TFG: variants seen among roughly 807,000 people sequenced by gnomAD.
TFG encodes trafficking from ER to golgi regulator.
In TFG, 22 loss-of-function variants were observed where a neutral mutation model predicts 51.4. The ratio of observed to expected loss-of-function variants is 0.43; its 90% CI spans 0.31 to 0.61. The LOEUF is 0.61. Among genes scored for constraint, TFG ranks in the 20% least tolerant of loss-of-function variants. The pLI, the probability that TFG is intolerant of heterozygous loss-of-function variation, is 0.12. For synonymous variants in TFG, 187 were observed against 165.6 expected (o/e 1.13, Z -0.99); for missense variants, 419 against 487.7 (o/e 0.86, Z 1.33).
chr3:100,720,040 C>T lies in TFG; in HGVS notation c.250C>T (p.Leu84=). ...LSFAIQCSRI[L]KLTLFVNGQP... ...CTTTGCAATTCAGTGCAGTAGGATA[C>T]TGAAACTGACATTATTTGGTGAGTA... Residue 84 remains leucine (L), a synonymous_variant, in exon 3 of 8, where the codon CTG becomes TTG. Coordinates refer to ENST00000240851, the MANE Select transcript of TFG (RefSeq NM_006070.6). 2.6e-6 allele frequency: 4 copies of T among 1,560,926 alleles called. No individual in the cohort carries two copies. Among genetic ancestry groups the T allele is most frequent in the Non-Finnish European group, 3.5e-6 (4 of 1,153,870 alleles).
At chr3:100,728,891 T>G (rs763697897) in intron 4 of TFG, 33 bp downstream of exon 4, 4 of 1,531,204 alleles carry the variant, frequency 2.6e-6, no homozygotes, top group African/African-American at 1.4e-5. Flanking sequence ...TCTGACTTAT[T>G]GTTCTTACGT....
chr3:100,716,658 A>G (rs2095047285), intron 2 of TFG, among the ~76,000 whole-genome samples: 1 of 152,164 alleles, frequency 6.6e-6, no homozygotes, highest in South Asian at 2.1e-4. Flanking sequence ...TCCTACCAAT[A>G]ATGTGTAAGA....
At chr3:100,730,326 A>T (rs2095088050) in intron 4 of TFG, among the ~76,000 whole-genome samples, 1 of 152,022 alleles carries the variant, frequency 6.6e-6, no homozygotes, top group South Asian at 2.1e-4. Flanking sequence ...TTTATACTTT[A>T]TTCTTTGTGT....
At chr3:100,735,034 C>CA (rs889272970) in intron 5 of TFG, among the ~76,000 whole-genome samples, 1 of 151,992 alleles carries the variant, frequency 6.6e-6, no homozygotes, top group African/African-American at 2.4e-5. Context: ...TAATAAATTA[C>CA]ATATAAGGGA....
chr3:100,729,025 A>G (rs2095084039), intron 4 of TFG, among the ~76,000 whole-genome samples, 167 bp downstream of exon 4: 1 of 152,322 alleles, frequency 6.6e-6, no homozygotes, highest in Non-Finnish European at 1.5e-5. Flanking sequence ...TTTGCTGTTC[A>G]TCAGAATTAC....
At position 100,717,420 on chromosome 3, in the gene TFG, T is replaced by G. The variant is rs970978735; in HGVS notation, c.185-2555T>G. ...GTAGTTCTGTACAAATTTTATGGTT[T>G]GTTTTTAAATTTTTATGAATAATTT... On this transcript the variant is annotated intron_variant, in intron 2 of 7. Transcript: ENST00000240851. Among the ~76,000 whole-genome samples the G allele has an allele frequency of 8.5e-5, 13 of 152,222 alleles. No individual in the cohort carries two copies. The East Asian group carries it at 2.1e-3, about 25-fold the overall frequency.
chr3:100,741,894 A>G (rs536971928), intron 6 of TFG, among the ~76,000 whole-genome samples: 17 of 152,312 alleles, frequency 1.1e-4, no homozygotes, highest in African/African-American at 4.1e-4. Flanking sequence ...TATGTACCAT[A>G]TAGCCTAGCT....
At chr3:100,739,150 C>G (rs538966351) in intron 6 of TFG, among the ~76,000 whole-genome samples, 2 of 152,194 alleles carry the variant, frequency 1.3e-5, no homozygotes, top group Admixed American at 6.5e-5. Flanking sequence ...TTGACATTGT[C>G]AGTTATTTAG....
At chr3:100,718,893 G>A (rs2095053581) in intron 2 of TFG, among the ~76,000 whole-genome samples, 1 of 152,106 alleles carries the variant, frequency 6.6e-6, no homozygotes, top group African/African-American at 2.4e-5. Flanking sequence ...GTGTCCGTTA[G>A]ATTCTGTTAG....
intron 7 of TFG, chr3:100,747,272 GT>G (rs1223164533): frequency 6.6e-6 from 1 of 151,836 alleles, no homozygotes; most frequent in African/African-American, 2.4e-5. Flanking sequence ...TGTCATAAAG[GT>G]TTCTTTCATG....
At chr3:100,723,827 T>C (rs935781615) in intron 3 of TFG, among the ~76,000 whole-genome samples, 1 of 151,414 alleles carries the variant, frequency 6.6e-6, no homozygotes. Context: ...TAGGGAGAAA[T>C]ACAGTTTTTT....
At chr3:100,728,152 C>T (rs185581189) in intron 3 of TFG, among the ~76,000 whole-genome samples, 17 of 151,986 alleles carry the variant, frequency 1.1e-4, no homozygotes, top group African/African-American at 3.6e-4. Context: ...ATTTTTTTAA[C>T]GATTTCTTTT....
intron 6 of TFG, among the ~76,000 whole-genome samples, chr3:100,742,238 G>A (rs775281979): frequency 6.6e-6 from 1 of 152,054 alleles, no homozygotes; most frequent in African/African-American, 2.4e-5. Flanking sequence ...TTGTTGATAG[G>A]TTCTTGGAAA....
intron 2 of TFG, 39 bp from the exon 3 acceptor site, chr3:100,719,936 A>C: frequency 7.4e-7 from 1 of 1,360,244 alleles, no homozygotes; most frequent in Non-Finnish European, 1.0e-6. Context: ...TGAAAATTTA[A>C]AAAATTAAAA....
At position 100,714,863 on chromosome 3, in the gene TFG, T is replaced by C. The variant is rs115858291; in HGVS notation, c.184+994T>C. 4.7e-3 allele frequency among the ~76,000 whole-genome samples: 718 copies of C among 152,294 alleles called. 8 individuals are homozygous for C. Among genetic ancestry groups the C allele is most frequent in the African/African-American group, 0.017 (688 of 41,554 alleles). On this transcript the variant is annotated intron_variant, in intron 2 of 7. Coordinates refer to ENST00000240851, the MANE Select transcript of TFG (RefSeq NM_006070.6). ...ACAAAATTATCTTTATGGAAATAGG[T>C]TTTGAATGAAAAATGTTTCGGCAAA...
intron 6 of TFG, among the ~76,000 whole-genome samples, chr3:100,742,053 AT>A (rs1010134819): frequency 6.6e-6 from 1 of 152,184 alleles, no homozygotes; most frequent in Admixed American, 6.5e-5. Context: ...CAATGTCTGC[AT>A]TTTGCTCTCT....
At chr3:100,731,993 GAATT>G (rs2095092889) in intron 4 of TFG, among the ~76,000 whole-genome samples, 1 of 152,164 alleles carries the variant, frequency 6.6e-6, no homozygotes. Flanking sequence ...GGAAGATTAT[GAATT>G]AATTATGGTT....
chr3:100,732,547 C>T lies in TFG; in HGVS notation c.455C>T (p.Ser152Phe). ...DGREEKSASD[S>F]SGKQSTQVMA... The stretch of plus-strand genomic sequence containing the variant: ...AGGGAAGAAAAGTCTGCTTCTGATT[C>T]TTCTGGAAAACAGTCTACTCAGGTT... Residue 152 changes from serine to phenylalanine, a missense_variant, in exon 5 of 8, where the codon TCT (serine) becomes TTT (phenylalanine). Transcript: ENST00000240851. 1 of 1,611,406 alleles carries T rather than the reference C, an allele frequency of 6.2e-7. No individual in the cohort carries two copies. The highest frequency in any genetic ancestry group is 2.2e-5 in the East Asian group (1 of 44,708).
chr3:100,718,549 GTTTTTTTTTTTTT>G (rs57611480), intron 2 of TFG, among the ~76,000 whole-genome samples: 1 of 60,072 alleles, frequency 1.7e-5, no homozygotes, highest in Non-Finnish European at 3.1e-5. Context: ...GTATTTCATG[GTTTTTTTTTTTTT>G]TTTTTTTTTT....
Sources: allele counts gnomAD v4.1 joint callset (sites outside exome capture counted in the v4.1 genomes callset), GRCh38; gene constraint gnomAD v4.1.1; transcripts MANE v1.5; gene names NCBI Gene and HGNC (gene_info 2026-07-23, HGNC 2026-07-21).